PIN4: variants seen among roughly 807,000 people sequenced by gnomAD.
The protein encoded by PIN4 is peptidylprolyl cis/trans isomerase, NIMA-interacting 4, also known as peptidyl-prolyl cis-trans isomerase NIMA-interacting 4.
In PIN4, 3 loss-of-function variants were observed where a neutral mutation model predicts 8.3. That is an observed-to-expected ratio of 0.36 (90% CI 0.16 to 0.93). The LOEUF (loss-of-function observed/expected upper bound fraction) is 0.93, where lower values mean the gene tolerates loss of function less well. Ranked by LOEUF, PIN4 falls within the 40% of genes least tolerant of loss-of-function variation. The pLI is 0.44. For synonymous variants in PIN4, 18 were observed against 32.5 expected (o/e 0.55, Z 1.52); for missense variants, 75 against 100.6 (o/e 0.75, Z 1.09).
intron 3 of PIN4, among the ~76,000 whole-genome samples, chrX:72,211,561 C>T (rs1012665700): frequency 3.6e-5 from 4 of 111,612 alleles, no homozygotes; most frequent in Non-Finnish European, 5.6e-5. Context: ...GTCTGGATTA[C>T]AATTCAAGAT....
In PIN4 at chrX:72,188,623, T is replaced by C. The variant is rs1414061905; in HGVS notation, c.117+2089T>C. ...ATCCATCTGCCTCGGCCTCCCAAAG[T>C]GCTGGGATTACAGGCATGAGCCACC... On this transcript the variant is annotated intron_variant, in intron 2 of 3. Coordinates refer to ENST00000373669, the MANE Select transcript of PIN4 (RefSeq NM_006223.4). 5.3e-5 allele frequency among the ~76,000 whole-genome samples: 6 copies of C among 112,479 alleles called. No individual in the cohort carries two copies. In the East Asian group the frequency reaches 1.7e-3, roughly 31 times the overall value.
chrX:72,240,633 C>A (rs1484198678), intron 3 of PIN4, among the ~76,000 whole-genome samples: 1 of 109,866 alleles, frequency 9.1e-6, no homozygotes, highest in East Asian at 2.9e-4. Context: ...AATGGTGAAA[C>A]CCCCGTCTCT....
At chrX:72,197,281 C>A in intron 3 of PIN4, 87 bp from the exon 4 acceptor site, 1 of 884,911 alleles carries the variant, frequency 1.1e-6, no homozygotes, top group Non-Finnish European at 1.6e-6. Context: ...GTAACCTTAG[C>A]AAAATGTTGG....
chrX:72,200,897 C>G (rs1211986611), downstream of PIN4, among the ~76,000 whole-genome samples: 1 of 112,213 alleles, frequency 8.9e-6, no homozygotes, highest in African/African-American at 3.2e-5. Flanking sequence ...CTATGGATCC[C>G]TTTTCAAAAT....
At chrX:72,230,571 A>G (rs1346550811) in intron 3 of PIN4, among the ~76,000 whole-genome samples, 3 of 112,454 alleles carry the variant, frequency 2.7e-5, no homozygotes, top group Non-Finnish European at 5.6e-5. Context: ...GTTGAGCTGC[A>G]TTTTGTTTCT....
chrX:72,186,511 A>G lies in PIN4; in HGVS notation c.94A>G (p.Lys32Glu), dbSNP rs1043439923. 7.4e-5 allele frequency: 89 copies of G among 1,197,152 alleles called. 1 individual carries two copies. The highest frequency in any genetic ancestry group is 1.0e-4 in the Non-Finnish European group (88 of 884,365). Residue 32 changes from lysine to glutamate, a missense_variant, in exon 2 of 4, where the codon AAA becomes GAA. Coordinates refer to ENST00000373669, the MANE Select transcript of PIN4 (RefSeq NM_006223.4). ...TGCTGACAAGAAGGCTCAAGGTCCC[A>G]AAGGTGGTGGCAATGCAGTAAAGGT... ...DSADKKAQGP[K>E]GGGNAVKVRH...
At chrX:72,216,503 G>C (rs981788340) in intron 3 of PIN4, among the ~76,000 whole-genome samples, 1 of 111,539 alleles carries the variant, frequency 9.0e-6, no homozygotes, top group Non-Finnish European at 1.9e-5. Context: ...CATTCACAAC[G>C]TGTAATCATC....
chrX:72,200,719 CATAAAT>C (rs1233896224), downstream of PIN4, among the ~76,000 whole-genome samples: 1 of 111,798 alleles, frequency 8.9e-6, no homozygotes. Flanking sequence ...TGGGTAGCAA[CATAAAT>C]ATATACACAT....
intron 3 of PIN4, among the ~76,000 whole-genome samples, chrX:72,222,212 C>T (rs887081312): frequency 4.9e-4 from 55 of 112,140 alleles, no homozygotes; most frequent in Non-Finnish European, 8.6e-4. Flanking sequence ...ACAAATCAAA[C>T]GGCAGCTAGG....
intron 1 of PIN4, among the ~76,000 whole-genome samples, chrX:72,183,404 A>G (rs2042683546): frequency 9.0e-6 from 1 of 111,507 alleles, no homozygotes; most frequent in African/African-American, 3.3e-5. Flanking sequence ...ATCCATGGAG[A>G]GTTTATAGAA....
chrX:72,262,451 C>T (rs2043143505), intron 3 of PIN4, among the ~76,000 whole-genome samples: 1 of 111,886 alleles, frequency 8.9e-6, no homozygotes, highest in Non-Finnish European at 1.9e-5. Flanking sequence ...AAGGTGTGGG[C>T]ATTTTTCTTC....
chrX:72,197,209 ACTT>A (rs1277385249), intron 3 of PIN4, 156 bp from the exon 4 acceptor site: 1 of 482,457 alleles, frequency 2.1e-6, no homozygotes, highest in East Asian at 3.7e-5. Context: ...GTCTAGTTAG[ACTT>A]CTTCTACCTA....
intron 3 of PIN4, among the ~76,000 whole-genome samples, chrX:72,243,029 A>G (rs1422314249): frequency 1.8e-5 from 2 of 109,073 alleles, no homozygotes; most frequent in African/African-American, 6.7e-5. Context: ...AAAAGAAAAG[A>G]AAAGGAAAAA....
At chrX:72,207,844 G>A (rs1240641997) in intron 3 of PIN4, 4 of 1,206,854 alleles carry the variant, frequency 3.3e-6, no homozygotes, top group South Asian at 3.6e-5. Flanking sequence ...AAATCCCAAG[G>A]CTTTTTCTCC....
At chrX:72,204,922 G>T in intron 3 of PIN4, 1 of 842,847 alleles carries the variant, frequency 1.2e-6, no homozygotes, top group East Asian at 3.4e-5. Flanking sequence ...CCTTAAGCCT[G>T]AATGCTTCAT....
intron 3 of PIN4, among the ~76,000 whole-genome samples, chrX:72,259,416 C>T (rs1240486988): frequency 1.8e-5 from 2 of 109,381 alleles, no homozygotes; most frequent in Non-Finnish European, 3.8e-5. Flanking sequence ...GGAGGGGTTT[C>T]ACCATGTTGG....
intron 2 of PIN4, among the ~76,000 whole-genome samples, chrX:72,192,066 T>C (rs2042738071): frequency 9.0e-6 from 1 of 110,853 alleles, no homozygotes; most frequent in East Asian, 2.8e-4. Context: ...ATTCTCCTGC[T>C]TCAGCCTCCC....
intron 2 of PIN4, among the ~76,000 whole-genome samples, chrX:72,188,514 C>T (rs1299748489): frequency 9.0e-6 from 1 of 110,918 alleles, no homozygotes; most frequent in South Asian, 3.8e-4. Flanking sequence ...CCCGCCACCG[C>T]GCCCAGCTAG....
intron 2 of PIN4, among the ~76,000 whole-genome samples, chrX:72,190,472 G>A (rs978042983): frequency 9.0e-6 from 1 of 110,581 alleles, no homozygotes; most frequent in Non-Finnish European, 1.9e-5. Flanking sequence ...AAGAAAGGAA[G>A]GAAAAGAAAA....
Sources: gnomAD v4.1 joint callset for allele counts (sites outside exome capture counted in the v4.1 genomes callset) on GRCh38, gnomAD v4.1.1 for gene constraint, MANE v1.5 for transcripts, NCBI Gene and HGNC (gene_info 2026-07-23, HGNC 2026-07-21) for gene names.